The following KEL variants were observed in gnomAD, a reference collection of about 807,000 sequenced individuals.
KEL encodes the protein kell blood group glycoprotein.
In KEL, 96 loss-of-function variants were observed where a neutral mutation model predicts 99.5. The observed-to-expected ratio is 0.97, with a 90% CI of 0.82 to 1.14. The LOEUF (loss-of-function observed/expected upper bound fraction) is 1.14, where lower values mean the gene tolerates loss of function less well. Among genes scored for constraint, KEL ranks in the 50% most tolerant of loss-of-function variants. KEL has a pLI of 0.00. For missense variants in KEL, 926 were observed against 924.2 expected, an observed-to-expected ratio of 1.00 and a Z score of -0.03; for synonymous variants, 355 against 354.8, an observed-to-expected ratio of 1.00 and a Z score of -0.01.
intron 10 of KEL, among the ~76,000 whole-genome samples, chr7:142,952,094 T>C (rs41515149): frequency 0.011 from 1,602 of 152,238 alleles, 38 homozygotes; most frequent in African/African-American, 0.036. Flanking sequence ...GAAGCACGTT[T>C]GAACATGGAA....
Position 142,944,406 on chromosome 7 carries a change from G to C in KEL, c.1414-6C>G, listed in dbSNP as rs1348870950. 1 of 1,610,126 alleles carries C rather than the reference G, an allele frequency of 6.2e-7. No individual in the cohort carries two copies. The highest frequency in any genetic ancestry group is 2.2e-5 in the East Asian group (1 of 44,852). ...TCCACCTGCAGTTGAGCAACCTGGAGAGAGACACAGAAGAGGCTAGGAATA... is the reference window on the plus strand; with the variant it reads ...TCCACCTGCAGTTGAGCAACCTGGACAGAGACACAGAAGAGGCTAGGAATA... On this transcript the variant is annotated splice_polypyrimidine_tract_variant and splice_region_variant and intron_variant, in intron 12 of 18. Transcript: ENST00000355265.
At position 142,958,327 on chromosome 7, in the gene KEL, GACCA is replaced by G. The variant is rs1251117616; in HGVS notation, c.498_501del (p.Gly167ProfsTer21). ...ACCTCCTCAATAACTTGTCTGAGGG[GACCA>G]GTCCCTGCAGCTTCAATGGCAAGTG... On this transcript the variant is annotated frameshift_variant, in exon 5 of 19. Transcript: ENST00000355265. LOFTEE classifies it high-confidence loss of function. The G allele has an allele frequency of 1.2e-6, 2 of 1,614,132 alleles. No individual in the cohort carries two copies. The highest frequency in any genetic ancestry group is 4.5e-5 in the East Asian group (2 of 44,876).
Position 142,958,505 on chromosome 7 carries a change from G to A in KEL, c.401-77C>T, listed in dbSNP as rs1796883709. 5 of 1,380,200 alleles carry A rather than the reference G, an allele frequency of 3.6e-6. No individual in the cohort carries two copies. In the African/African-American group the frequency reaches 4.2e-5, roughly 12 times the overall value. The allele number at this position is 1,380,200 out of a possible 1,614,324, so 85.5% of individuals were successfully genotyped here. A position where few individuals can be genotyped will look rare whatever the true frequency, so the allele number is the denominator to read the frequency against. On this transcript the variant is annotated intron_variant, in intron 4 of 18. Coordinates refer to ENST00000355265, the MANE Select transcript of KEL (RefSeq NM_000420.3). ...CCCCAAATTCCTATCAAAGGGGTCT[G>A]GGGAGTCATGCCCTATATCATAAGT...
chr7:142,946,324 A>G lies in KEL; in HGVS notation c.1204-7T>C. The G allele has an allele frequency of 1.2e-6, 2 of 1,609,582 alleles. No individual in the cohort carries two copies. Among genetic ancestry groups the G allele is most frequent in the Non-Finnish European group, 1.7e-6 (2 of 1,177,054 alleles). On this transcript the variant is annotated splice_region_variant and splice_polypyrimidine_tract_variant and intron_variant, in intron 10 of 18. Coordinates refer to ENST00000355265, the MANE Select transcript of KEL (RefSeq NM_000420.3). Reference sequence around the variant, plus strand: ...TCCATCGTGGGCGGGCAGGCTATGGAGACAAAGCTGGAATGAGTGGCTCCT... The same window carrying G: ...TCCATCGTGGGCGGGCAGGCTATGGGGACAAAGCTGGAATGAGTGGCTCCT...
In KEL at chr7:142,946,321, T is replaced by C. The variant is rs138550257; in HGVS notation, c.1204-4A>G. ...TCATCCATCGTGGGCGGGCAGGCTA[T>C]GGAGACAAAGCTGGAATGAGTGGCT... On this transcript the variant is annotated splice_region_variant and splice_polypyrimidine_tract_variant and intron_variant, in intron 10 of 18. Transcript: ENST00000355265. 1.2e-3 allele frequency: 1,916 copies of C among 1,611,044 alleles called. 5 individuals are homozygous for C. The highest frequency in any genetic ancestry group is 1.4e-3 in the Non-Finnish European group (1,685 of 1,178,092).
At chr7:142,961,221 G>A in intron 3 of KEL, 117 bp from the exon 4 acceptor site, 1 of 1,512,808 alleles carries the variant, frequency 6.6e-7, no homozygotes, top group Non-Finnish European at 9.2e-7. Context: ...AAAAAGAAAT[G>A]GTTAGGATGC....
In KEL at chr7:142,944,375, C is replaced by T. The variant is rs528656045; in HGVS notation, c.1439G>A (p.Gly480Glu). Residue 480 changes from glycine to glutamate, a missense_variant, in exon 13 of 19, where the codon GGG becomes GAG. Transcript: ENST00000355265. ...DKVAQLQVEMGASEWALKPEL... is the reference protein window; with the variant it reads ...DKVAQLQVEMEASEWALKPEL... ...TGGCTTCAGGGCCCATTCTGAAGCCCCCATCTCCACCTGCAGTTGAGCAAC... is the reference window on the plus strand; with the variant it reads ...TGGCTTCAGGGCCCATTCTGAAGCCTCCATCTCCACCTGCAGTTGAGCAAC... 1.9e-6 allele frequency: 3 copies of T among 1,613,954 alleles called. No individual in the cohort carries two copies. The highest frequency in any genetic ancestry group is 4.5e-5 in the East Asian group (2 of 44,876).
rs144264665 is a variant in KEL at position 142,941,345 on chromosome 7, G to A, written c.2106C>T (p.His702=). The A allele has an allele frequency of 5.3e-5, 86 of 1,613,434 alleles. No homozygotes were observed. In the African/African-American group the frequency reaches 8.5e-4, roughly 16 times the overall value. Residue 702 remains histidine, a synonymous_variant, in exon 19 of 19, where the codon CAC becomes CAT. Transcript: ENST00000355265. ...AGGCTGGGGTGCTGCTGAGGGGCCC[G>A]TGGACTCGGAGGTGTGGAGGGCTGT... The part of the protein sequence containing the change: ...DTHSPPHLRV[H]GPLSSTPAFA...
intron 10 of KEL, 38 bp from the exon 11 acceptor site, chr7:142,946,355 G>T: frequency 2.0e-6 from 3 of 1,490,524 alleles, no homozygotes; most frequent in Admixed American, 1.8e-5. Flanking sequence ...CTCCTGTTCA[G>T]GACTCTTTCC....
In KEL at chr7:142,954,246, G is replaced by T. The variant is rs963138924; in HGVS notation, c.862C>A (p.Pro288Thr). ...CCCTGTGCCCGCCGCTGCTCCAGGG[G>T]CCTCAGAAACTGGAACAGCCGTGAA... Reference protein sequence around the residue: ...ITSRLFQFLRPLEQRRAQGKL... With the variant: ...ITSRLFQFLRTLEQRRAQGKL... The change falls in exon 8 of 19, where the codon CCC becomes ACC. Residue 288 changes from proline (P) to threonine (T), a missense_variant. Transcript: ENST00000355265. 9 of 1,613,924 alleles carry T rather than the reference G, an allele frequency of 5.6e-6. No individual in the cohort carries two copies. Among genetic ancestry groups the T allele is most frequent in the Non-Finnish European group, 7.6e-6 (9 of 1,180,014 alleles).
chr7:142,952,383 C>T, intron 10 of KEL, 126 bp downstream of exon 10: 1 of 1,278,452 alleles, frequency 7.8e-7, no homozygotes, highest in Non-Finnish European at 1.1e-6. Flanking sequence ...CTATGGAAAG[C>T]CAAGACATGG....
intron 10 of KEL, among the ~76,000 whole-genome samples, chr7:142,949,836 T>C (rs1346557536): frequency 6.6e-6 from 1 of 152,226 alleles, no homozygotes; most frequent in Non-Finnish European, 1.5e-5. Flanking sequence ...CATTTAATCA[T>C]CACAAATGTG....
chr7:142,944,509 T>C, intron 12 of KEL, 109 bp from the exon 13 acceptor site: 2 of 1,185,580 alleles, frequency 1.7e-6, no homozygotes, highest in East Asian at 2.3e-5. Flanking sequence ...AGTGTGAGTA[T>C]ACAGCCCAGT....
rs1239394312 is a variant in KEL at position 142,958,448 on chromosome 7, G to A, written c.401-20C>T. The stretch of plus-strand genomic sequence containing the variant: ...GGACCTCTAGAAAGGAAGCATGGGA[G>A]TGAGGACTAAACTCTGATTTTTTTT... On this transcript the variant is annotated intron_variant, in intron 4 of 18. Coordinates refer to ENST00000355265, the MANE Select transcript of KEL (RefSeq NM_000420.3). 1.9e-6 allele frequency: 3 copies of A among 1,613,014 alleles called. No homozygotes were observed. The highest frequency in any genetic ancestry group is 1.3e-5 in the African/African-American group (1 of 74,902).
intron 18 of KEL, 64 bp downstream of exon 18, chr7:142,942,370 G>T: frequency 8.9e-7 from 1 of 1,118,844 alleles, no homozygotes; most frequent in Non-Finnish European, 1.3e-6. Context: ...ACTTCCATGA[G>T]CTTCAGTAAT....
intron 6 of KEL, among the ~76,000 whole-genome samples, chr7:142,955,570 G>C (rs1298819321): frequency 6.6e-6 from 1 of 151,848 alleles, no homozygotes; most frequent in East Asian, 1.9e-4. Context: ...TGAGTTTTGG[G>C]GACCTTCTTA....
intron 10 of KEL, among the ~76,000 whole-genome samples, chr7:142,948,527 C>T (rs8176010): frequency 0.09 from 13,737 of 152,058 alleles, 1,001 homozygotes; most frequent in African/African-American, 0.21. Context: ...TTAGGGATTA[C>T]GAGCCAACCA....
intron 4 of KEL, among the ~76,000 whole-genome samples, chr7:142,960,048 C>G (rs930123798): frequency 7.2e-5 from 11 of 152,304 alleles, no homozygotes; most frequent in African/African-American, 2.2e-4. Flanking sequence ...GCACTTCCAA[C>G]CTCCTACTCA....
intron 3 of KEL, 22 bp downstream of exon 3, chr7:142,961,338 G>T: frequency 6.2e-7 from 1 of 1,612,866 alleles, no homozygotes; most frequent in Non-Finnish European, 8.5e-7. Flanking sequence ...GACTAGGTTA[G>T]GGGGTCTGGG....
Sources: gnomAD v4.1 joint callset for allele counts (sites outside exome capture counted in the v4.1 genomes callset) on GRCh38, gnomAD v4.1.1 for gene constraint, MANE v1.5 for transcripts, NCBI Gene and HGNC (gene_info 2026-07-23, HGNC 2026-07-21) for gene names.